The following ANO1 variants were observed in gnomAD, a reference collection of about 807,000 sequenced individuals.
ANO1 encodes anoctamin 1.
In ANO1, 59 loss-of-function variants were observed where a neutral mutation model predicts 124.0. The ratio of observed to expected loss-of-function variants is 0.48; its 90% CI spans 0.39 to 0.59. The LOEUF is 0.59. Ranked by LOEUF, ANO1 falls within the 20% of genes least tolerant of loss-of-function variation. The probability of loss-of-function intolerance (pLI) is 0.00; values close to 1 mark genes in which losing one functional copy is unlikely to be tolerated. For synonymous variants in ANO1, 529 were observed against 532.0 expected, an observed-to-expected ratio of 0.99 and a Z score of 0.08; for missense variants, 1,059 against 1,328.0, an observed-to-expected ratio of 0.80 and a Z score of 3.15.
chr11:70,147,146 G>A (rs112637841), intron 11 of ANO1, among the ~76,000 whole-genome samples: 21 of 152,362 alleles, frequency 1.4e-4, no homozygotes, highest in African/African-American at 3.1e-4. Context: ...CCCAGAAAGC[G>A]TCGTAAAAGG....
intron 1 of ANO1, among the ~76,000 whole-genome samples, chr11:70,087,181 A>C (rs2044418271): frequency 6.6e-6 from 1 of 152,216 alleles, no homozygotes; most frequent in African/African-American, 2.4e-5. Context: ...TATGGGGTAC[A>C]TGAGATATTT....
intron 1 of ANO1, among the ~76,000 whole-genome samples, chr11:70,012,350 T>TCATC (rs1313196106): frequency 2.0e-5 from 3 of 147,722 alleles, no homozygotes; most frequent in African/African-American, 5.0e-5. Context: ...ATCCTTTCCT[T>TCATC]CATCCATCCA....
chr11:70,178,489 C>G (rs866189171), intron 22 of ANO1, among the ~76,000 whole-genome samples: 1 of 152,170 alleles, frequency 6.6e-6, no homozygotes, highest in African/African-American at 2.4e-5. Context: ...GGCCCGAGGA[C>G]TGGAGACAGG....
upstream of ANO1, among the ~76,000 whole-genome samples, chr11:70,073,745 C>T (rs557800895): frequency 1.3e-5 from 2 of 152,068 alleles, no homozygotes; most frequent in Non-Finnish European, 2.9e-5. Flanking sequence ...AGAAGGCAGG[C>T]CTTGTGTTCA....
intron 2 of ANO1, among the ~76,000 whole-genome samples, chr11:70,098,771 C>T (rs1252348469): frequency 6.6e-6 from 1 of 152,176 alleles, no homozygotes; most frequent in Non-Finnish European, 1.5e-5. Flanking sequence ...AGGGCCACCG[C>T]GTGGACTGAG....
chr11:70,007,161 C>A (rs560904895), intron 1 of ANO1, among the ~76,000 whole-genome samples: 1 of 152,244 alleles, frequency 6.6e-6, no homozygotes, highest in Admixed American at 6.5e-5. Context: ...TTAGATACCC[C>A]ATATGAGTGG....
At chr11:70,120,129 A>G (rs1212089293) in intron 8 of ANO1, among the ~76,000 whole-genome samples, 1 of 152,104 alleles carries the variant, frequency 6.6e-6, no homozygotes, top group Admixed American at 6.6e-5. Context: ...ACAGGGCAGA[A>G]ATGAAAGTGC....
chr11:70,031,996 A>G (rs1009662856), intron 1 of ANO1, among the ~76,000 whole-genome samples: 1 of 152,138 alleles, frequency 6.6e-6, no homozygotes, highest in Non-Finnish European at 1.5e-5. Context: ...TTCGTTGGAC[A>G]TATTCACTGT....
Position 70,131,909 on chromosome 11 carries a change from T to C in ANO1, c.1098-10T>C. On this transcript the variant is annotated splice_polypyrimidine_tract_variant and intron_variant, in intron 10 of 25. Transcript: ENST00000355303. The stretch of plus-strand genomic sequence containing the variant: ...ACAAGGTGACTCCAGGGCTGCCCCC[T>C]CTCTTGCAGCATGGAGATGTGTGAC... 2 of 1,601,908 alleles carry C rather than the reference T, an allele frequency of 1.2e-6. No homozygotes were observed. The highest frequency in any genetic ancestry group is 1.7e-6 in the Non-Finnish European group (2 of 1,178,540).
intron 12 of ANO1, among the ~76,000 whole-genome samples, chr11:70,150,640 T>C (rs1240657430): frequency 6.6e-6 from 1 of 152,136 alleles, no homozygotes; most frequent in Non-Finnish European, 1.5e-5. Context: ...GCTCAAGCCC[T>C]CCTCCCATTT....
chr11:70,062,320 A>G (rs149729054), intron 1 of ANO1, among the ~76,000 whole-genome samples: 2,016 of 152,182 alleles, frequency 0.013, 17 homozygotes, highest in Non-Finnish European at 0.016. Flanking sequence ...CAGGTGATCC[A>G]TCCGCTTCGG....
chr11:70,013,616 T>TAAAAC (rs143661202), intron 1 of ANO1, among the ~76,000 whole-genome samples: 141 of 148,958 alleles, frequency 9.5e-4, no homozygotes, highest in African/African-American at 1.8e-3. Flanking sequence ...CCGTCTCCAC[T>TAAAAC]AAAACAAAAC....
chr11:70,071,566 A>G (rs1316813133), intron 1 of ANO1, among the ~76,000 whole-genome samples: 3 of 152,160 alleles, frequency 2.0e-5, no homozygotes, highest in Non-Finnish European at 4.4e-5. Context: ...TTCACATACC[A>G]GATTTCAAAT....
At chr11:70,066,763 G>C (rs552425963) in intron 1 of ANO1, among the ~76,000 whole-genome samples, 106 of 152,210 alleles carry the variant, frequency 7.0e-4, no homozygotes, top group African/African-American at 2.5e-3. Flanking sequence ...TAACTCCACG[G>C]TGGAGCAAAG....
chr11:70,061,388 T>G (rs1226839365), intron 1 of ANO1, among the ~76,000 whole-genome samples: 3 of 151,984 alleles, frequency 2.0e-5, no homozygotes, highest in African/African-American at 7.3e-5. Context: ...GGCAGAACAT[T>G]CCAGGTGAGT....
At chr11:70,168,985 G>T (rs1293524565) in intron 21 of ANO1, among the ~76,000 whole-genome samples, 3 of 152,212 alleles carry the variant, frequency 2.0e-5, no homozygotes, top group Non-Finnish European at 1.5e-5. Flanking sequence ...CTGAACCAGG[G>T]TCAGGCCGGT....
rs1172492820 is a variant in ANO1 at position 70,138,347 on chromosome 11, G to GAA, written c.1258+6286_1258+6287dup. Among the ~76,000 whole-genome samples, 41 of 43,164 alleles carry GAA rather than the reference G, an allele frequency of 9.5e-4. 1 individual carries two copies. Among genetic ancestry groups the GAA allele is most frequent in the African/African-American group, 1.8e-3 (18 of 10,224 alleles). 28.3% of individuals were successfully genotyped at this position (43,164 alleles called of 152,430 possible). A position where few individuals can be genotyped will look rare whatever the true frequency, so the allele number is the denominator to read the frequency against. On this transcript the variant is annotated intron_variant, in intron 11 of 25. Transcript: ENST00000355303. ...GCAAAAAGAGTGAAATTCCATCTCA[G>GAA]AAAAAAAAAAAAAAAAAAAGGCTGG...
At chr11:70,033,128 T>TC (rs781878818) in intron 1 of ANO1, among the ~76,000 whole-genome samples, 39 of 152,136 alleles carry the variant, frequency 2.6e-4, no homozygotes, top group Non-Finnish European at 5.1e-4. Flanking sequence ...GTGATGTAGA[T>TC]CCAGGGGTCA....
chr11:70,028,724 C>T lies in ANO1; in HGVS notation c.58+42558C>T, dbSNP rs576584313. Among the ~76,000 whole-genome samples the T allele has an allele frequency of 5.3e-5, 8 of 152,252 alleles. No homozygotes were observed. In the South Asian group the frequency reaches 6.2e-4, roughly 12 times the overall value. On this transcript the variant is annotated intron_variant, in intron 1 of 27. Transcript: ENST00000531349. The stretch of plus-strand genomic sequence containing the variant: ...AGGGGCAGACTTGGGTCCTCTGCTC[C>T]GTGCTCTGACAGATCGTGGAGGTGG...
Sources: gnomAD v4.1 joint callset for allele counts (sites outside exome capture counted in the v4.1 genomes callset) on GRCh38, gnomAD v4.1.1 for gene constraint, MANE v1.5 for transcripts, NCBI Gene and HGNC (gene_info 2026-07-23, HGNC 2026-07-21) for gene names.